Variants in TEX11 observed in about 807,000 individuals in gnomAD.
TEX11 encodes testis expressed 11.
TEX11 carries 7 observed loss-of-function variants against 84.4 expected under a neutral mutation model. The observed-to-expected ratio is 0.08, with a 90% CI of 0.05 to 0.16. TEX11 has a LOEUF of 0.16. Among genes scored for constraint, TEX11 ranks in the 10% least tolerant of loss-of-function variants. The pLI is 1.00. For synonymous variants in TEX11, 264 were observed against 222.8 expected (o/e 1.18, Z -1.64); for missense variants, 551 against 660.5 (o/e 0.83, Z 1.82).
At chrX:70,683,354 G>A (rs1421704177) in intron 13 of TEX11, among the ~76,000 whole-genome samples, 1 of 112,153 alleles carries the variant, frequency 8.9e-6, no homozygotes, top group Non-Finnish European at 1.9e-5. Flanking sequence ...TCCCAGGCCA[G>A]GTGTGGTGGT....
intron 8 of TEX11, among the ~76,000 whole-genome samples, chrX:70,815,197 G>A (rs73544798): frequency 0.056 from 6,249 of 111,951 alleles, 355 homozygotes; most frequent in South Asian, 0.16. Flanking sequence ...AATTACAAGA[G>A]TCTCAAATAT....
intron 24 of TEX11, among the ~76,000 whole-genome samples, chrX:70,598,245 C>T (rs2089036126): frequency 8.9e-6 from 1 of 111,952 alleles, no homozygotes; most frequent in Non-Finnish European, 1.9e-5. Context: ...TACAAATGGC[C>T]AATAAACACA....
At chrX:70,908,075 G>A (rs188847536) in intron 1 of TEX11, among the ~76,000 whole-genome samples, 3 of 111,324 alleles carry the variant, frequency 2.7e-5, no homozygotes, top group Middle Eastern at 4.7e-3. Context: ...GCTGGGTCTC[G>A]CTGCTTCTTC....
At chrX:70,801,960 C>A (rs2091191769) in intron 9 of TEX11, among the ~76,000 whole-genome samples, 1 of 111,200 alleles carries the variant, frequency 9.0e-6, no homozygotes. Flanking sequence ...AGAATCCAGG[C>A]AATGATCACT....
intron 7 of TEX11, among the ~76,000 whole-genome samples, chrX:70,840,934 C>T (rs1374614166): frequency 3.6e-5 from 4 of 110,837 alleles, no homozygotes; most frequent in African/African-American, 1.3e-4. Context: ...AACTAACTAT[C>T]CTAAATATAT....
intron 3 of TEX11, among the ~76,000 whole-genome samples, chrX:70,874,395 CTT>C (rs34210812): frequency 2.7e-4 from 13 of 48,077 alleles, no homozygotes; most frequent in East Asian, 1.0e-3. Flanking sequence ...TGATGACTTC[CTT>C]TTTTTTTTTT....
At chrX:70,615,572 T>A (rs919878383) in intron 20 of TEX11, among the ~76,000 whole-genome samples, 3 of 111,905 alleles carry the variant, frequency 2.7e-5, no homozygotes, top group African/African-American at 9.7e-5. Context: ...TAAGAGTTAA[T>A]GGCCTTGAAG....
intron 25 of TEX11, among the ~76,000 whole-genome samples, chrX:70,565,246 T>TG (rs1456128207): frequency 6.1e-5 from 6 of 98,364 alleles, no homozygotes; most frequent in Non-Finnish European, 1.2e-4. Flanking sequence ...CACTTTTTGA[T>TG]GGGGTTTTTT....
At chrX:70,667,938 AAT>A (rs1256776581) in intron 16 of TEX11, among the ~76,000 whole-genome samples, 1 of 110,821 alleles carries the variant, frequency 9.0e-6, no homozygotes, top group Non-Finnish European at 1.9e-5. Flanking sequence ...AAAAAAAAAA[AAT>A]AAAAAAGAAA....
intron 28 of TEX11, among the ~76,000 whole-genome samples, chrX:70,546,318 C>A (rs1371838164): frequency 8.9e-6 from 1 of 111,877 alleles, no homozygotes; most frequent in Non-Finnish European, 1.9e-5. Context: ...AGGAAAAAAT[C>A]TTTGTAAACG....
At position 70,866,068 on chromosome X, in the gene TEX11, CA is replaced by C. The variant is rs1354605973; in HGVS notation, c.245-5133del. Reference sequence around the variant, plus strand: ...AGCAGAACTGAAGGAGATAGAGACACAAAAAACCCTTCAAAAAAATCAATGA... The same window carrying C: ...AGCAGAACTGAAGGAGATAGAGACACAAAAACCCTTCAAAAAAATCAATGA... On this transcript the variant is annotated intron_variant, in intron 4 of 29. Coordinates refer to ENST00000374333, the MANE Select transcript of TEX11 (RefSeq NM_031276.3). 5.4e-5 allele frequency among the ~76,000 whole-genome samples: 6 copies of C among 111,093 alleles called. No individual in the cohort carries two copies. The South Asian group carries it at 1.1e-3, about 21-fold the overall frequency.
intron 16 of TEX11, among the ~76,000 whole-genome samples, chrX:70,651,920 G>A (rs1459499094): frequency 9.0e-6 from 1 of 111,599 alleles, no homozygotes; most frequent in African/African-American, 3.3e-5. Context: ...AAGTAAAGTC[G>A]CTTTTATCTG....
intron 8 of TEX11, among the ~76,000 whole-genome samples, chrX:70,826,706 G>C (rs944352493): frequency 1.8e-5 from 2 of 111,447 alleles, no homozygotes; most frequent in African/African-American, 6.5e-5. Flanking sequence ...GTGCACAGAG[G>C]GAGTGTTTGG....
intron 13 of TEX11, among the ~76,000 whole-genome samples, chrX:70,710,887 A>G (rs2090424377): frequency 9.0e-6 from 1 of 110,514 alleles, no homozygotes; most frequent in Admixed American, 9.7e-5. Context: ...TGCCGCACCC[A>G]TTAACTCGTC....
chrX:70,532,000 A>G (rs1023993884), intron 28 of TEX11, among the ~76,000 whole-genome samples: 9 of 111,247 alleles, frequency 8.1e-5, no homozygotes, highest in African/African-American at 2.6e-4. Context: ...GAAATGTAGG[A>G]TGGAGCTTCC....
At chrX:70,513,353 CA>C in the TEX11 span, among the ~76,000 whole-genome samples, 8,012 of 82,820 alleles carry the variant, frequency 0.097, 690 homozygotes, top group Admixed American at 0.28. Flanking sequence ...AACTCCATCT[CA>C]AAAAAAAAAG....
intron 28 of TEX11, among the ~76,000 whole-genome samples, chrX:70,537,877 A>G (rs1232510153): frequency 8.9e-6 from 1 of 111,757 alleles, no homozygotes; most frequent in Non-Finnish European, 1.9e-5. Flanking sequence ...CAATGAAGTT[A>G]CCAAGGAAGG....
intron 11 of TEX11, among the ~76,000 whole-genome samples, chrX:70,732,678 C>G (rs1327194397): frequency 9.0e-6 from 1 of 111,294 alleles, no homozygotes; most frequent in Non-Finnish European, 1.9e-5. Context: ...AAGAACATTC[C>G]ATGCTCATGG....
intron 2 of TEX11, among the ~76,000 whole-genome samples, chrX:70,903,940 G>A (rs1343427359): frequency 9.7e-6 from 1 of 102,872 alleles, no homozygotes; most frequent in Non-Finnish European, 2.0e-5. Flanking sequence ...CCCACCTCTG[G>A]CTCCTGAGAC....
Sources: allele counts gnomAD v4.1 joint callset (sites outside exome capture counted in the v4.1 genomes callset), GRCh38; gene constraint gnomAD v4.1.1; transcripts MANE v1.5; gene names NCBI Gene and HGNC (gene_info 2026-07-23, HGNC 2026-07-21).